The following EXT2 variants were observed in gnomAD, a reference collection of about 807,000 sequenced individuals.
EXT2 encodes exostosin glycosyltransferase 2.
In EXT2, 53 loss-of-function variants were observed where a neutral mutation model predicts 81.6. That is an observed-to-expected ratio of 0.65 (90% CI 0.52 to 0.82). The LOEUF is 0.82. Among genes scored for constraint, EXT2 ranks in the 40% least tolerant of loss-of-function variants. EXT2 has a pLI of 0.00. For missense variants in EXT2, 774 were observed against 910.2 expected, an observed-to-expected ratio of 0.85 and a Z score of 1.93; for synonymous variants, 320 against 340.0, an observed-to-expected ratio of 0.94 and a Z score of 0.65.
chr11:44,209,865 GC>G (rs1955626909), intron 10 of EXT2, among the ~76,000 whole-genome samples: 1 of 152,176 alleles, frequency 6.6e-6, no homozygotes, highest in African/African-American at 2.4e-5. Flanking sequence ...TAGAATGTAA[GC>G]ACCAAAGGGC....
intron 10 of EXT2, among the ~76,000 whole-genome samples, chr11:44,231,104 G>T (rs1222790860): frequency 6.6e-6 from 1 of 152,190 alleles, no homozygotes; most frequent in East Asian, 1.9e-4. Context: ...TAGGGATGCT[G>T]TGCAAATGAT....
intron 10 of EXT2, among the ~76,000 whole-genome samples, chr11:44,222,021 C>T (rs1955787034): frequency 6.6e-6 from 1 of 152,172 alleles, no homozygotes; most frequent in Non-Finnish European, 1.5e-5. Context: ...ATATTTACAG[C>T]TCATCTCTCG....
intron 1 of EXT2, 118 bp from the exon 2 acceptor site, chr11:44,107,565 C>CAGG: frequency 1.1e-6 from 1 of 930,856 alleles, no homozygotes; most frequent in Non-Finnish European, 1.6e-6. Context: ...GCCTGAGTGA[C>CAGG]AGAGTGAAAC....
chr11:44,204,247 A>G (rs1250305651), intron 9 of EXT2, among the ~76,000 whole-genome samples: 2 of 152,186 alleles, frequency 1.3e-5, no homozygotes, highest in Non-Finnish European at 2.9e-5. Flanking sequence ...TCACAAATGT[A>G]CAGTAGAGTT....
intron 13 of EXT2, among the ~76,000 whole-genome samples, chr11:44,240,934 AG>A (rs1171759504): frequency 6.6e-6 from 1 of 152,196 alleles, no homozygotes; most frequent in Non-Finnish European, 1.5e-5. Flanking sequence ...CCACCTGAGT[AG>A]CTGGGATTAT....
rs925488874 is a variant in EXT2 at position 44,245,924 on chromosome 11, A to G, written c.*1637A>G. Reference sequence around the variant, plus strand: ...GCAAATGCAGAAACTGAAGCTGCAGATGTTCATTTTGCAAATGCAGAAACT... The same window carrying G: ...GCAAATGCAGAAACTGAAGCTGCAGGTGTTCATTTTGCAAATGCAGAAACT... On this transcript the variant is annotated 3_prime_UTR_variant, in exon 14 of 14. Transcript: ENST00000533608. Among the ~76,000 whole-genome samples, 1 of 152,160 alleles carries G rather than the reference A, an allele frequency of 6.6e-6. No homozygotes were observed. The highest frequency in any genetic ancestry group is 2.4e-5 in the African/African-American group (1 of 41,428).
Position 44,245,209 on chromosome 11 carries a change from C to T in EXT2, c.*922C>T, listed in dbSNP as rs1410274428. On this transcript the variant is annotated 3_prime_UTR_variant, in exon 14 of 14. Transcript: ENST00000533608. ...GTATTGTCAGAGAAAAACAGAGGGT[C>T]TGTACTAGCCATGCAAGGAGTCGCT... 2 of 228,420 alleles carry T rather than the reference C, an allele frequency of 8.8e-6. No individual in the cohort carries two copies. Among genetic ancestry groups the T allele is most frequent in the Non-Finnish European group, 1.7e-5 (2 of 114,770 alleles). 14.1% of individuals were successfully genotyped at this position (228,420 alleles called of 1,614,324 possible).
chr11:44,202,334 G>T (rs972303260), intron 9 of EXT2, among the ~76,000 whole-genome samples: 1 of 152,180 alleles, frequency 6.6e-6, no homozygotes, highest in Non-Finnish European at 1.5e-5. Flanking sequence ...TTCGCCAATT[G>T]TAAGTCCAGA....
At chr11:44,112,976 T>G (rs1954167369) in intron 3 of EXT2, among the ~76,000 whole-genome samples, 1 of 152,224 alleles carries the variant, frequency 6.6e-6, no homozygotes, top group Non-Finnish European at 1.5e-5. Context: ...CCATAGAGTC[T>G]GCTTGCCATC....
In EXT2 at chr11:44,096,156, T is replaced by A. The variant is rs1953891815; in HGVS notation, c.-31+304T>A. Reference sequence around the variant, plus strand: ...CCTTCGCCCCCAGTCCGCTCCTTCCTTTCCTCCTGCGACCCGCCCTCCGCC... The same window carrying A: ...CCTTCGCCCCCAGTCCGCTCCTTCCATTCCTCCTGCGACCCGCCCTCCGCC... On this transcript the variant is annotated intron_variant, in intron 1 of 13. Coordinates refer to ENST00000533608, the MANE Select transcript of EXT2 (RefSeq NM_207122.2). 4.1e-6 allele frequency: 5 copies of A among 1,229,324 alleles called. 1 individual carries two copies. In the South Asian group the frequency reaches 6.4e-5, roughly 16 times the overall value. 76.2% of individuals were successfully genotyped at this position (1,229,324 alleles called of 1,614,324 possible).
chr11:44,123,552 A>G (rs981802472), intron 4 of EXT2, among the ~76,000 whole-genome samples: 1 of 152,212 alleles, frequency 6.6e-6, no homozygotes, highest in South Asian at 2.1e-4. Context: ...CAAAATGCTC[A>G]GGACCAGAAG....
intron 7 of EXT2, among the ~76,000 whole-genome samples, chr11:44,152,164 CT>C (rs1160490110): frequency 6.6e-6 from 1 of 152,202 alleles, no homozygotes; most frequent in East Asian, 1.9e-4. Flanking sequence ...CAGCCTGTGG[CT>C]TATTTTCTCA....
At chr11:44,182,922 C>A (rs1955256623) in intron 8 of EXT2, among the ~76,000 whole-genome samples, 1 of 152,174 alleles carries the variant, frequency 6.6e-6, no homozygotes, top group African/African-American at 2.4e-5. Flanking sequence ...AGAACAATTT[C>A]TCAGTCTTTC....
chr11:44,230,703 T>C (rs1955888490), intron 10 of EXT2, among the ~76,000 whole-genome samples: 2 of 152,166 alleles, frequency 1.3e-5, no homozygotes, highest in African/African-American at 4.8e-5. Context: ...CAAGGAAACA[T>C]TTCCCGATAT....
chr11:44,197,892 A>G lies in EXT2; in HGVS notation c.1369A>G (p.Thr457Ala). Residue 457 changes from threonine to alanine, a missense_variant, in exon 9 of 14, where the codon ACC becomes GCC. Thr to Ala is a moderately conservative substitution (Grantham distance 58). Around this residue, in one of 2 missense-constraint regions of EXT2, gnomAD observed 626 missense variants for 670.5 expected, o/e 0.93. Coordinates refer to ENST00000533608, the MANE Select transcript of EXT2 (RefSeq NM_207122.2). ...PLIPPQSQGF[T>A]AIVLTYDRVE... ...GATCCCACCACAGTCTCAAGGGTTC[A>G]CCGCCATAGTCCTCACCTACGACCG... is the stretch of plus-strand genomic sequence containing the variant. 6.2e-7 allele frequency: 1 copy of G among 1,614,066 alleles called. No homozygotes were observed. The highest frequency in any genetic ancestry group is 1.1e-5 in the South Asian group (1 of 91,090).
rs117660797 is a variant in EXT2, at chr11:44,170,794, T to A, written c.1174-817T>A. On this transcript the variant is annotated intron_variant, in intron 7 of 13. Transcript: ENST00000533608. Reference sequence around the variant, plus strand: ...GCTATGAAAGAAAATTCATCCATAATTTAAAACGTTCACATTCACACACAC... The same window carrying A: ...GCTATGAAAGAAAATTCATCCATAAATTAAAACGTTCACATTCACACACAC... 4.9e-3 allele frequency among the ~76,000 whole-genome samples: 720 copies of A among 147,548 alleles called. 5 individuals are homozygous for A. The highest frequency in any genetic ancestry group is 0.031 in the East Asian group (157 of 5,086).
intron 7 of EXT2, among the ~76,000 whole-genome samples, chr11:44,152,128 T>A (rs7935872): frequency 0.91 from 137,873 of 152,166 alleles, 62,606 homozygotes; most frequent in East Asian, 0.99. Context: ...CCCTTATTAG[T>A]CGTGTCCTTT....
At position 44,109,207 on chromosome 11, in the gene EXT2, A is replaced by G. The variant is rs368388870; in HGVS notation, c.550A>G (p.Thr184Ala). 7.4e-6 allele frequency: 12 copies of G among 1,614,046 alleles called. No homozygotes were observed. The African/African-American group carries it at 1.5e-4, about 20-fold the overall frequency. The change falls in exon 3 of 14, where the codon ACG becomes GCG. Residue 184 changes from threonine to alanine, a missense_variant. By Grantham distance (58) the Thr-to-Ala change is moderately conservative (BLOSUM62 0). Around this residue, in one of 2 missense-constraint regions of EXT2, gnomAD observed 626 missense variants for 670.5 expected, o/e 0.93. Coordinates refer to ENST00000533608, the MANE Select transcript of EXT2 (RefSeq NM_207122.2). ...MAQLSRWDRG[T>A]NHLLFNMLPG... is the part of the protein sequence containing the mutation. ...ATTTCTTGACAGGTGGGATCGAGGT[A>G]CGAATCACCTGTTGTTCAACATGTT... is the stretch of plus-strand genomic sequence containing the variant.
intron 3 of EXT2, among the ~76,000 whole-genome samples, chr11:44,110,870 A>G (rs770688908): frequency 3.9e-5 from 6 of 152,216 alleles, no homozygotes; most frequent in Non-Finnish European, 7.3e-5. Context: ...ATAGCAGGTA[A>G]TGAATCACCA....
Sources: allele counts gnomAD v4.1 joint callset (sites outside exome capture counted in the v4.1 genomes callset), GRCh38; gene constraint gnomAD v4.1.1; regional missense constraint gnomAD v4.1.1; transcripts MANE v1.5; gene names NCBI Gene and HGNC (gene_info 2026-07-23, HGNC 2026-07-21).